MYT1L: variants seen among roughly 807,000 people sequenced by gnomAD.
MYT1L encodes myelin transcription factor 1-like protein.
In MYT1L, 12 loss-of-function variants were observed where a neutral mutation model predicts 126.7. The observed-to-expected ratio is 0.09, with a 90% confidence interval of 0.06 to 0.15. The LOEUF (loss-of-function observed/expected upper bound fraction) is 0.15. Among genes scored for constraint, MYT1L ranks in the 10% least tolerant of loss-of-function variants. MYT1L has a pLI of 1.00. For synonymous variants in MYT1L, 541 were observed against 604.2 expected (o/e 0.90, Z 1.53); for missense variants, 979 against 1,585.2 (o/e 0.62, Z 6.49).
intron 21 of MYT1L, among the ~76,000 whole-genome samples, chr2:1,831,640 G>A (rs1037362133): frequency 1.2e-4 from 18 of 152,142 alleles, no homozygotes; most frequent in Non-Finnish European, 2.4e-4. Flanking sequence ...TGCCCCAAAT[G>A]AGCCCAGCAT....
At chr2:2,272,326 G>A (rs562424367) in intron 2 of MYT1L, among the ~76,000 whole-genome samples, 17 of 152,256 alleles carry the variant, frequency 1.1e-4, no homozygotes, top group African/African-American at 4.1e-4. Flanking sequence ...TGGGCCTCTA[G>A]GACACTCATG....
intron 2 of MYT1L, among the ~76,000 whole-genome samples, chr2:2,207,111 G>A (rs1288562928): frequency 6.6e-6 from 1 of 152,214 alleles, no homozygotes; most frequent in Non-Finnish European, 1.5e-5. Context: ...GTATTGATCA[G>A]TTGTTGAAAA....
chr2:2,158,158 A>G (rs2148389945), intron 3 of MYT1L, among the ~76,000 whole-genome samples: 1 of 141,774 alleles, frequency 7.1e-6, no homozygotes, highest in Non-Finnish European at 1.6e-5. Flanking sequence ...GTGCAGACAC[A>G]CCGAGACCAC....
chr2:1,907,234 A>C (rs1363444279), intron 13 of MYT1L, among the ~76,000 whole-genome samples: 2 of 152,034 alleles, frequency 1.3e-5, no homozygotes, highest in Non-Finnish European at 2.9e-5. Flanking sequence ...TATGGAATTC[A>C]GTTATGTTTG....
intron 21 of MYT1L, among the ~76,000 whole-genome samples, chr2:1,813,450 C>A (rs953692943): frequency 6.6e-6 from 1 of 152,138 alleles, no homozygotes; most frequent in East Asian, 1.9e-4. Flanking sequence ...GAGCAGCTGC[C>A]GATGCTGGAA....
chr2:1,837,304 G>C (rs2041040222), intron 21 of MYT1L, among the ~76,000 whole-genome samples: 1 of 152,222 alleles, frequency 6.6e-6, no homozygotes, highest in African/African-American at 2.4e-5. Flanking sequence ...GCCGTCCCTG[G>C]AGTGCAGAAA....
At chr2:2,210,439 G>T (rs2093465896) in intron 2 of MYT1L, among the ~76,000 whole-genome samples, 1 of 152,044 alleles carries the variant, frequency 6.6e-6, no homozygotes. Flanking sequence ...CAAGAGATAA[G>T]GGTCAAGTTT....
chr2:1,868,210 G>T (rs1366794031), intron 18 of MYT1L, among the ~76,000 whole-genome samples: 1 of 152,146 alleles, frequency 6.6e-6, no homozygotes, highest in African/African-American at 2.4e-5. Flanking sequence ...TGATCTGCCC[G>T]CCTTGGCCTC....
intron 2 of MYT1L, among the ~76,000 whole-genome samples, chr2:2,254,601 G>C (rs979121134): frequency 6.6e-5 from 10 of 152,190 alleles, no homozygotes; most frequent in African/African-American, 2.4e-4. Context: ...CTGCCACATA[G>C]ATCAATAAAT....
At chr2:2,302,879 G>A (rs2095804708) in intron 1 of MYT1L, among the ~76,000 whole-genome samples, 1 of 152,086 alleles carries the variant, frequency 6.6e-6, no homozygotes, top group African/African-American at 2.4e-5. Context: ...AAGAAGCCAA[G>A]GCACTTTTGG....
intron 1 of MYT1L, among the ~76,000 whole-genome samples, chr2:2,314,077 G>A (rs1403718313): frequency 6.6e-6 from 1 of 152,102 alleles, no homozygotes; most frequent in Non-Finnish European, 1.5e-5. Flanking sequence ...TGCGTACCAT[G>A]AGATCAAGTA....
chr2:1,962,352 A>G (rs60286243), intron 8 of MYT1L, among the ~76,000 whole-genome samples: 8,090 of 152,312 alleles, frequency 0.053, 321 homozygotes, highest in East Asian at 0.19. Flanking sequence ...TCTAAAAATC[A>G]AAGTATATAC....
chr2:2,130,419 T>C (rs1364743867), intron 3 of MYT1L, among the ~76,000 whole-genome samples: 3 of 152,074 alleles, frequency 2.0e-5, no homozygotes. Context: ...GATCCAATGA[T>C]CCAATACACA....
intron 3 of MYT1L, among the ~76,000 whole-genome samples, chr2:2,104,075 C>G (rs2150507982): frequency 6.6e-6 from 1 of 152,266 alleles, no homozygotes; most frequent in East Asian, 1.9e-4. Flanking sequence ...CTGAAAGTCA[C>G]TAATGTGGTT....
chr2:2,175,990 C>A (rs1447808313), intron 2 of MYT1L, among the ~76,000 whole-genome samples: 4 of 152,184 alleles, frequency 2.6e-5, no homozygotes, highest in African/African-American at 4.8e-5. Flanking sequence ...CCTTTCCTGG[C>A]TGAATAAGGA....
Position 1,811,385 on chromosome 2 carries a change from G to GTCATCAGCTCTGGCA in MYT1L, c.3081-2219_3081-2218insTGCCAGAGCTGATGA, listed in dbSNP as rs1348825731. Reference sequence around the variant, plus strand: ...CAGCTCCAGCATCATCAGCTCTGGCGTCATCAGCTCTGGCGTCATCAGCTC... The same window carrying GTCATCAGCTCTGGCA: ...CAGCTCCAGCATCATCAGCTCTGGCGTCATCAGCTCTGGCATCATCAGCTCTGGCGTCATCAGCTC... On this transcript the variant is annotated intron_variant, in intron 21 of 24. Coordinates refer to ENST00000647738, the MANE Select transcript of MYT1L (RefSeq NM_001303052.2). The surrounding 1 kb of genome is among the most constrained non-coding windows in gnomAD (Gnocchi z 4.4). 3.9e-5 allele frequency: 6 copies of GTCATCAGCTCTGGCA among 152,492 alleles called. No homozygotes were observed. The highest frequency in any genetic ancestry group is 1.9e-4 in the East Asian group (1 of 5,190). The allele number at this position is 152,492 out of a possible 1,614,324, so 9.4% of individuals were successfully genotyped here.
intron 8 of MYT1L, among the ~76,000 whole-genome samples, chr2:1,976,892 C>T (rs2060229991): frequency 6.6e-6 from 1 of 152,180 alleles, no homozygotes. Flanking sequence ...ATAAAGTCTG[C>T]AACCCTCTTA....
chr2:2,312,240 T>C (rs2095984324), intron 1 of MYT1L, among the ~76,000 whole-genome samples: 2 of 152,222 alleles, frequency 1.3e-5, no homozygotes, highest in South Asian at 4.1e-4. Flanking sequence ...TGTCTTTGGC[T>C]TCTGATGAGG....
chr2:2,170,938 C>A (rs914499163), intron 3 of MYT1L, among the ~76,000 whole-genome samples: 4 of 152,102 alleles, frequency 2.6e-5, no homozygotes, highest in Non-Finnish European at 5.9e-5. Flanking sequence ...GTGGAAAGAT[C>A]GACGTGAAAT....
Sources: allele counts gnomAD v4.1 joint callset (sites outside exome capture counted in the v4.1 genomes callset), GRCh38; gene constraint gnomAD v4.1.1; non-coding constraint Gnocchi (gnomAD v3.1); transcripts MANE v1.5; gene names NCBI Gene and HGNC (gene_info 2026-07-23, HGNC 2026-07-21).